Variants in HAVCR1 observed in about 807,000 individuals in gnomAD.
The protein encoded by HAVCR1 is hepatitis A virus cellular receptor 1, also known as T cell immunoglobin domain and mucin domain protein 1.
Under a neutral mutation model 32.0 loss-of-function variants are expected in HAVCR1, and 34 were observed. That is an observed-to-expected ratio of 1.06 (90% confidence interval 0.81 to 1.42). The LOEUF (loss-of-function observed/expected upper bound fraction) is 1.42, where lower values mean the gene tolerates loss of function less well. Ranked by LOEUF, HAVCR1 falls within the 40% of genes most tolerant of loss-of-function variation. The pLI, the probability that HAVCR1 is intolerant of heterozygous loss-of-function variation, is 0.00. For missense variants in HAVCR1, 420 were observed against 442.3 expected (o/e 0.95, Z 0.45); for synonymous variants, 178 against 170.3 (o/e 1.05, Z -0.35).
intron 5 of HAVCR1, among the ~76,000 whole-genome samples, chr5:157,044,615 G>GAAAGAAAGAAAAAGAAAA: frequency 3.8e-5 from 2 of 52,728 alleles, no homozygotes; most frequent in South Asian, 8.3e-4. Flanking sequence ...AAGAAAGAAA[G>GAAAGAAAGAAAAAGAAAA]AGAAAGAAAG....
intron 7 of HAVCR1, among the ~76,000 whole-genome samples, chr5:157,033,808 A>G (rs1331966912): frequency 6.6e-6 from 1 of 152,192 alleles, no homozygotes; most frequent in Non-Finnish European, 1.5e-5. Context: ...CATGCCTGCA[A>G]TCCCAACACT....
chr5:157,060,594 C>A (rs1181011843), upstream of HAVCR1, among the ~76,000 whole-genome samples: 1 of 152,082 alleles, frequency 6.6e-6, no homozygotes, highest in Non-Finnish European at 1.5e-5. Context: ...TGGTGTCTGT[C>A]TCTATTCCCT....
At chr5:157,042,520 A>C (rs907394665) in intron 6 of HAVCR1, 107 bp downstream of exon 6, 1 of 623,102 alleles carries the variant, frequency 1.6e-6, no homozygotes, top group Non-Finnish European at 2.8e-6. Flanking sequence ...AAGAAGAAAA[A>C]AAAAATTCTG....
chr5:157,040,023 G>A (rs76752642), intron 6 of HAVCR1, among the ~76,000 whole-genome samples: 1 of 152,158 alleles, frequency 6.6e-6, no homozygotes, highest in Non-Finnish European at 1.5e-5. Context: ...CCGGCCAGGC[G>A]CGGTAGCTCA....
At chr5:157,048,974 A>G in intron 5 of HAVCR1, 64 bp downstream of exon 5, 1 of 956,984 alleles carries the variant, frequency 1.0e-6, no homozygotes, top group Middle Eastern at 2.1e-4. Flanking sequence ...GTGTGCTCTC[A>G]ACAAAGTCAA....
chr5:157,058,001 T>G (rs1427721438), intron 1 of HAVCR1, 46 bp from the exon 2 acceptor site: 2 of 1,289,000 alleles, frequency 1.6e-6, no homozygotes, highest in African/African-American at 2.9e-5. Context: ...CTCCACCAGA[T>G]GGTATCTGAT....
chr5:157,032,906 G>C lies in HAVCR1; in HGVS notation c.953-19C>G, dbSNP rs878965332. 5 of 1,513,464 alleles carry C rather than the reference G, an allele frequency of 3.3e-6. No individual in the cohort carries two copies. The highest frequency in any genetic ancestry group is 4.5e-6 in the Non-Finnish European group (5 of 1,109,072). The allele number at this position is 1,513,464 out of a possible 1,614,324, so 93.8% of individuals were successfully genotyped here. A position where few individuals can be genotyped will look rare whatever the true frequency, so the allele number is the denominator to read the frequency against. On this transcript the variant is annotated intron_variant, in intron 7 of 8. Transcript: ENST00000523175. ...AAATACTCTAAATTGAAGGGGTGGGGAGAGAGGAGTTGAAGAGAAAACTAA... is the reference window on the plus strand; with the variant it reads ...AAATACTCTAAATTGAAGGGGTGGGCAGAGAGGAGTTGAAGAGAAAACTAA...
chr5:157,063,211 C>T (rs528756105), upstream of HAVCR1, among the ~76,000 whole-genome samples: 63 of 145,544 alleles, frequency 4.3e-4, no homozygotes, highest in African/African-American at 1.6e-3. Context: ...TGATGATCTG[C>T]GATATGTTAG....
the HAVCR1 span, among the ~76,000 whole-genome samples, chr5:157,065,912 C>A: frequency 4.0e-5 from 6 of 151,206 alleles, no homozygotes; most frequent in Non-Finnish European, 7.4e-5. Context: ...GGAAATTAGC[C>A]GGGCGTGGTG....
chr5:157,049,313 C>A (rs1255776709), intron 4 of HAVCR1, among the ~76,000 whole-genome samples, 168 bp from the exon 5 acceptor site: 1 of 152,248 alleles, frequency 6.6e-6, no homozygotes, highest in Non-Finnish European at 1.5e-5. Flanking sequence ...ACTTCTGAAC[C>A]TTTCGGCTCC....
intron 2 of HAVCR1, among the ~76,000 whole-genome samples, chr5:157,056,020 G>A (rs1203167551): frequency 2.6e-5 from 4 of 151,318 alleles, no homozygotes; most frequent in Admixed American, 6.6e-5. Context: ...AAAGATCTTG[G>A]CTCACTGCTA....
At chr5:157,048,801 G>A (rs1755566371) in intron 5 of HAVCR1, among the ~76,000 whole-genome samples, 1 of 151,854 alleles carries the variant, frequency 6.6e-6, no homozygotes, top group Non-Finnish European at 1.5e-5. Flanking sequence ...CTGCACTCCA[G>A]CCTGGGCAAC....
chr5:157,062,152 C>T (rs1756504018), upstream of HAVCR1, among the ~76,000 whole-genome samples: 1 of 152,158 alleles, frequency 6.6e-6, no homozygotes, highest in South Asian at 2.1e-4. Flanking sequence ...AGCTGAATTT[C>T]CAGCTGCTCA....
upstream of HAVCR1, among the ~76,000 whole-genome samples, chr5:157,061,245 G>C (rs1404816813): frequency 6.6e-6 from 1 of 152,034 alleles, no homozygotes; most frequent in African/African-American, 2.4e-5. Context: ...CAGATTGCTT[G>C]AGCCCAGGAG....
At chr5:157,067,878 A>G in the HAVCR1 span, among the ~76,000 whole-genome samples, 1 of 151,774 alleles carries the variant, frequency 6.6e-6, no homozygotes, top group Non-Finnish European at 1.5e-5. Context: ...GGGTTTCACC[A>G]TGTTAGCAAG....
At chr5:157,037,520 C>T (rs112545078) in intron 6 of HAVCR1, among the ~76,000 whole-genome samples, 159 bp from the exon 7 acceptor site, 70 of 152,238 alleles carry the variant, frequency 4.6e-4, no homozygotes, top group African/African-American at 1.6e-3. Flanking sequence ...TATAACCATA[C>T]GGTGAAAATC....
rs1266783262 is a variant in HAVCR1 at position 157,029,544 on chromosome 5, A to G, written c.*189T>C. On this transcript the variant is annotated 3_prime_UTR_variant, in exon 9 of 9. Transcript: ENST00000523175. ...TAGCATAAAAAATTAGGACTACATT[A>G]ATGATGAGGTTGACTATACACAGTT... is the stretch of plus-strand genomic sequence containing the variant. The G allele has an allele frequency of 6.9e-7, 1 of 1,440,432 alleles. No individual in the cohort carries two copies. Among genetic ancestry groups the G allele is most frequent in the Non-Finnish European group, 9.4e-7 (1 of 1,060,246 alleles). 89.2% of individuals were successfully genotyped at this position (1,440,432 alleles called of 1,614,324 possible).
intron 8 of HAVCR1, 46 bp from the exon 9 acceptor site, chr5:157,029,887 A>C: frequency 6.5e-7 from 1 of 1,549,072 alleles, no homozygotes; most frequent in Non-Finnish European, 8.8e-7. Context: ...GAAAAAAAGC[A>C]GACCACTTCT....
intron 4 of HAVCR1, among the ~76,000 whole-genome samples, chr5:157,051,691 G>C (rs1032638985): frequency 6.6e-6 from 1 of 152,066 alleles, no homozygotes; most frequent in African/African-American, 2.4e-5. Context: ...CCACCATGTA[G>C]AGACAAGGTC....
Sources: allele counts gnomAD v4.1 joint callset (sites outside exome capture counted in the v4.1 genomes callset), GRCh38; gene constraint gnomAD v4.1.1; transcripts MANE v1.5; gene names NCBI Gene and HGNC (gene_info 2026-07-23, HGNC 2026-07-21).